FSD1: variants seen among roughly 807,000 people sequenced by gnomAD.
FSD1 encodes fibronectin type III and SPRY domain containing 1.
Under a neutral mutation model 58.2 loss-of-function variants are expected in FSD1, and 23 were observed. That is an observed-to-expected ratio of 0.40 (90% confidence interval 0.28 to 0.56). The LOEUF (loss-of-function observed/expected upper bound fraction) is 0.56. FSD1 is among the 20% of genes least tolerant of loss of function. The probability of loss-of-function intolerance (pLI) is 0.54; values close to 1 mark genes in which losing one functional copy is unlikely to be tolerated. For missense variants in FSD1, 563 were observed against 670.8 expected (o/e 0.84, Z 1.78); for synonymous variants, 265 against 263.4 (o/e 1.01, Z -0.06).
chr19:4,306,436 T>C, intron 3 of FSD1, 107 bp downstream of exon 3: 1 of 1,121,214 alleles, frequency 8.9e-7, no homozygotes, highest in Non-Finnish European at 1.3e-6. Flanking sequence ...GTTTCTGATC[T>C]CTCCCCTGAC....
Position 4,322,957 on chromosome 19 carries a change from C to T in FSD1, c.1040-29C>T, listed in dbSNP as rs778984896. The stretch of plus-strand genomic sequence containing the variant: ...TGTGGCCCAGTTCTATCCAGTTCCC[C>T]TGCCCACCCCTCCTGCCCTGCGCCA... On this transcript the variant is annotated intron_variant, in intron 10 of 12. Coordinates refer to ENST00000221856, the MANE Select transcript of FSD1 (RefSeq NM_024333.3). 3.8e-6 allele frequency: 6 copies of T among 1,592,844 alleles called. No homozygotes were observed. The African/African-American group carries it at 6.7e-5, about 18-fold the overall frequency.
chr19:4,318,303 G>A (rs1412684512), intron 8 of FSD1, 43 bp from the exon 9 acceptor site: 3 of 1,612,770 alleles, frequency 1.9e-6, no homozygotes, highest in Non-Finnish European at 2.5e-6. Context: ...GTGTCTCTCC[G>A]GGTTTCCCCA....
chr19:4,310,070 T>C (rs1487347613), intron 4 of FSD1, among the ~76,000 whole-genome samples: 1 of 151,384 alleles, frequency 6.6e-6, no homozygotes, highest in Admixed American at 6.6e-5. Flanking sequence ...TCTCTAAAAA[T>C]ACAAAAAATT....
At chr19:4,318,022 A>C (rs758849736) in intron 8 of FSD1, among the ~76,000 whole-genome samples, 1 of 152,072 alleles carries the variant, frequency 6.6e-6, no homozygotes, top group Non-Finnish European at 1.5e-5. Context: ...ATCTCAAAAC[A>C]AAAAGAAAAG....
intron 2 of FSD1, 59 bp from the exon 3 acceptor site, chr19:4,306,139 A>T: frequency 3.1e-6 from 5 of 1,612,210 alleles, no homozygotes; most frequent in Non-Finnish European, 4.2e-6. Flanking sequence ...TGCCTGTGGG[A>T]GGTCTCAGGT....
intron 6 of FSD1, 21 bp downstream of exon 6, chr19:4,310,617 A>G (rs377087017): frequency 9.3e-6 from 15 of 1,607,764 alleles, no homozygotes; most frequent in Non-Finnish European, 1.3e-5. Flanking sequence ...CACGCACTAG[A>G]GGGCCAGGAC....
intron 8 of FSD1, 149 bp downstream of exon 8, chr19:4,317,429 G>GTCTGCTATAACCCTGTTT: frequency 1.6e-6 from 1 of 608,070 alleles, no homozygotes; most frequent in Non-Finnish European, 3.0e-6. Context: ...TAGCCTGAGT[G>GTCTGCTATAACCCTGTTT]TCTGCTATAA....
At chr19:4,321,554 GA>G (rs1480732839) in intron 10 of FSD1, among the ~76,000 whole-genome samples, 5 of 151,998 alleles carry the variant, frequency 3.3e-5, no homozygotes, top group Admixed American at 3.3e-4. Flanking sequence ...GTATCTGGGG[GA>G]AATAGCTGGA....
chr19:4,317,213 C>G lies in FSD1; in HGVS notation c.732C>G (p.Phe244Leu). The G allele has an allele frequency of 6.2e-7, 1 of 1,612,534 alleles. No homozygotes were observed. The highest frequency in any genetic ancestry group is 1.3e-5 in the African/African-American group (1 of 75,024). ...GLKFDMKYMN[F>L]RVKACNKAVA... ...AGTTTGACATGAAATACATGAACTT[C>G]CGTGTGAAGGCCTGTAACAAGGCAG... Residue 244 changes from phenylalanine to leucine, a missense_variant, in exon 8 of 13, where the codon TTC (phenylalanine) becomes TTG (leucine). Coordinates refer to ENST00000221856, the MANE Select transcript of FSD1 (RefSeq NM_024333.3).
intron 3 of FSD1, among the ~76,000 whole-genome samples, chr19:4,307,463 G>A (rs1304480640): frequency 1.3e-5 from 2 of 152,082 alleles, no homozygotes; most frequent in African/African-American, 4.8e-5. Flanking sequence ...CGCCTCCCGG[G>A]TTCAAGTGAT....
rs1206708720 is a variant in FSD1, at chr19:4,306,183, G to A, written c.112-15G>A. On this transcript the variant is annotated splice_polypyrimidine_tract_variant and intron_variant, in intron 2 of 12. Transcript: ENST00000221856. ...TGAACACGGGCTTTGGCCGATTCTG[G>A]CTGTTCCGACCCAGGCGAACTCGGC... 1.9e-6 allele frequency: 3 copies of A among 1,613,872 alleles called. No homozygotes were observed. In the South Asian group the frequency reaches 3.3e-5, roughly 18 times the overall value.
At position 4,305,977 on chromosome 19, in the gene FSD1, C is replaced by T; in HGVS notation, c.47C>T (p.Ala16Val). The change falls in exon 2 of 13, where the codon GCT becomes GTT. Residue 16 changes from alanine (A) to valine (V), a missense_variant. Ala to Val is a moderately conservative substitution (Grantham distance 64). Transcript: ENST00000221856. ...EALRKIIKTLAVKNEEIQSFI... is the reference protein window; with the variant it reads ...EALRKIIKTLVVKNEEIQSFI... Reference sequence around the variant, plus strand: ...CTGAGGAAGATCATCAAAACACTGGCTGTGAAGAATGAAGAAATTCAGAGC... The same window carrying T: ...CTGAGGAAGATCATCAAAACACTGGTTGTGAAGAATGAAGAAATTCAGAGC... The T allele has an allele frequency of 1.2e-6, 2 of 1,614,062 alleles. No homozygotes were observed. Among genetic ancestry groups the T allele is most frequent in the Non-Finnish European group, 1.7e-6 (2 of 1,179,964 alleles).
intron 7 of FSD1, among the ~76,000 whole-genome samples, chr19:4,314,751 C>A (rs1191073167): frequency 6.6e-6 from 1 of 152,222 alleles, no homozygotes; most frequent in Non-Finnish European, 1.5e-5. Flanking sequence ...CCTCCCAGTG[C>A]TGGGATGACA....
Position 4,323,264 on chromosome 19 carries a change from C to G in FSD1, c.1291+27C>G. 1 of 1,606,572 alleles carries G rather than the reference C, an allele frequency of 6.2e-7. No homozygotes were observed. The highest frequency in any genetic ancestry group is 1.1e-5 in the South Asian group (1 of 91,058). On this transcript the variant is annotated intron_variant, in intron 11 of 12. Coordinates refer to ENST00000221856, the MANE Select transcript of FSD1 (RefSeq NM_024333.3). This position sits in a 1 kb window ranked among gnomAD's most constrained non-coding sequence, Gnocchi z 7.7. ...TGACCCCAAGCCCCAGCTGCCGTCT[C>G]TGGCTGCCCCTGCCTGAGTCCCCTC...
Position 4,323,750 on chromosome 19 carries a change from C to T in FSD1, c.*107C>T, listed in dbSNP as rs1461789240. 6.5e-6 allele frequency: 5 copies of T among 767,490 alleles called. No individual in the cohort carries two copies. The highest frequency in any genetic ancestry group is 1.0e-5 in the Non-Finnish European group (5 of 476,770). 47.5% of individuals were successfully genotyped at this position (767,490 alleles called of 1,614,324 possible). A position where few individuals can be genotyped will look rare whatever the true frequency, so the allele number is the denominator to read the frequency against. ...TGTCACTTGCTGCTTGGAGCCTTAA[C>T]TCCAGATGGGGGGGTCACCAAGAGG... On this transcript the variant is annotated 3_prime_UTR_variant, in exon 13 of 13. Transcript: ENST00000221856. This position sits in a 1 kb window ranked among gnomAD's most constrained non-coding sequence, Gnocchi z 7.7.
At chr19:4,317,422 C>T in intron 8 of FSD1, 142 bp downstream of exon 8, 1 of 614,990 alleles carries the variant, frequency 1.6e-6, no homozygotes. Context: ...GCTTCCTTAG[C>T]CTGAGTGTCT....
At chr19:4,307,688 G>T (rs956982642) in intron 3 of FSD1, among the ~76,000 whole-genome samples, 194 bp from the exon 4 acceptor site, 1 of 152,136 alleles carries the variant, frequency 6.6e-6, no homozygotes, top group Non-Finnish European at 1.5e-5. Flanking sequence ...TTTAGGGAAG[G>T]GATTCCCCAG....
chr19:4,319,412 G>A (rs964745220), intron 10 of FSD1, among the ~76,000 whole-genome samples: 2 of 152,312 alleles, frequency 1.3e-5, no homozygotes, highest in East Asian at 3.9e-4. Flanking sequence ...GTCAATAGTA[G>A]CATAAGAATG....
intron 7 of FSD1, among the ~76,000 whole-genome samples, chr19:4,314,191 G>A (rs1287475759): frequency 2.6e-5 from 4 of 152,146 alleles, no homozygotes; most frequent in African/African-American, 7.2e-5. Context: ...TCATGAGCAC[G>A]CTAACTGCAG....
Sources: allele counts gnomAD v4.1 joint callset (sites outside exome capture counted in the v4.1 genomes callset), GRCh38; gene constraint gnomAD v4.1.1; non-coding constraint Gnocchi (gnomAD v3.1); transcripts MANE v1.5; gene names NCBI Gene and HGNC (gene_info 2026-07-23, HGNC 2026-07-21).